ARHGAP20: variants seen among roughly 807,000 people sequenced by gnomAD.
ARHGAP20 encodes the protein rho GTPase-activating protein 20.
In ARHGAP20, 34 loss-of-function variants were observed where a neutral mutation model predicts 73.7. The ratio of observed to expected loss-of-function variants is 0.46; its 90% CI spans 0.35 to 0.61. The LOEUF (loss-of-function observed/expected upper bound fraction) is 0.61. Ranked by LOEUF, ARHGAP20 falls within the 20% of genes least tolerant of loss-of-function variation. ARHGAP20 has a pLI of 0.00. For missense variants in ARHGAP20, 1,314 were observed against 1,420.9 expected, an observed-to-expected ratio of 0.92 and a Z score of 1.21; for synonymous variants, 523 against 518.2, an observed-to-expected ratio of 1.01 and a Z score of -0.13.
chr11:110,647,677 G>A (rs1035732978), intron 2 of ARHGAP20, among the ~76,000 whole-genome samples: 1 of 152,064 alleles, frequency 6.6e-6, no homozygotes, highest in Non-Finnish European at 1.5e-5. Flanking sequence ...AAATAGAAAT[G>A]GAAACACACA....
chr11:110,590,842 A>G, intron 10 of ARHGAP20, 33 bp from the exon 11 acceptor site: 1 of 1,588,348 alleles, frequency 6.3e-7, no homozygotes, highest in Non-Finnish European at 8.6e-7. Context: ...AAACAAAATG[A>G]CACTTCCACA....
At chr11:110,615,431 G>A (rs1293553154) in intron 5 of ARHGAP20, 122 bp downstream of exon 5, 2 of 812,246 alleles carry the variant, frequency 2.5e-6, no homozygotes, top group Admixed American at 5.6e-5. Context: ...AGCTTATTTA[G>A]AGGTCAAATG....
intron 9 of ARHGAP20, 74 bp from the exon 10 acceptor site, chr11:110,592,229 G>T: frequency 7.1e-7 from 1 of 1,415,644 alleles, no homozygotes; most frequent in Admixed American, 1.9e-5. Flanking sequence ...TCCATTTTAT[G>T]GTATGTTTGT....
chr11:110,630,184 A>G (rs1365484121), intron 3 of ARHGAP20, among the ~76,000 whole-genome samples: 4 of 152,088 alleles, frequency 2.6e-5, no homozygotes, highest in Non-Finnish European at 4.4e-5. Flanking sequence ...CCAATATCTG[A>G]ATGGCTGATT....
chr11:110,712,403 G>A lies in ARHGAP20; in HGVS notation c.-172C>T. ...CCTCCCGTCGGGGCCATGTACCTCC[G>A]CCTGCGCTCGACACCGCGGGCTGGA... On this transcript the variant is annotated 5_prime_UTR_variant, in exon 1 of 15. Transcript: ENST00000683387. The A allele has an allele frequency of 2.8e-6, 1 of 361,672 alleles. No individual in the cohort carries two copies. Among genetic ancestry groups the A allele is most frequent in the East Asian group, 5.0e-5 (1 of 20,168 alleles). The allele number at this position is 361,672 out of a possible 1,614,324, so 22.4% of individuals were successfully genotyped here. A position where few individuals can be genotyped will look rare whatever the true frequency, so the allele number is the denominator to read the frequency against.
At chr11:110,596,318 T>C (rs1000607969) in intron 9 of ARHGAP20, among the ~76,000 whole-genome samples, 4 of 150,040 alleles carry the variant, frequency 2.7e-5, no homozygotes, top group African/African-American at 7.6e-5. Context: ...CTAAAGAGCT[T>C]CTGCACAGCA....
At chr11:110,702,674 C>T (rs759638754) in intron 1 of ARHGAP20, among the ~76,000 whole-genome samples, 2 of 152,140 alleles carry the variant, frequency 1.3e-5, no homozygotes, top group African/African-American at 2.4e-5. Context: ...AGCTGATAAG[C>T]AACTTCAGCA....
In ARHGAP20 at chr11:110,690,638, G is replaced by A; in HGVS notation, c.106-9C>T. 6.2e-7 allele frequency: 1 copy of A among 1,612,948 alleles called. No homozygotes were observed. Among genetic ancestry groups the A allele is most frequent in the Non-Finnish European group, 8.5e-7 (1 of 1,179,046 alleles). The stretch of plus-strand genomic sequence containing the variant: ...GCTAGTGTTTTCATTTTCTGTTGAT[G>A]AAACAAACCAAAATGAAGACCACAT... On this transcript the variant is annotated splice_polypyrimidine_tract_variant and intron_variant, in intron 1 of 14. Coordinates refer to ENST00000683387, the MANE Select transcript of ARHGAP20 (RefSeq NM_001384657.1).
intron 1 of ARHGAP20, among the ~76,000 whole-genome samples, chr11:110,695,436 T>C (rs1363879490): frequency 1.3e-5 from 2 of 151,652 alleles, no homozygotes; most frequent in African/African-American, 4.8e-5. Context: ...GCAAATCATA[T>C]ATCTGACAAG....
Position 110,577,091 on chromosome 11 carries a change from T to TAA in ARHGAP20, c.*2278_*2279insTT, listed in dbSNP as rs780212888. The TAA allele has an allele frequency of 2.6e-6, 4 of 1,526,712 alleles. No homozygotes were observed. In the South Asian group the frequency reaches 4.8e-5, roughly 18 times the overall value. 94.6% of individuals were successfully genotyped at this position (1,526,712 alleles called of 1,614,324 possible). A position where few individuals can be genotyped will look rare whatever the true frequency, so the allele number is the denominator to read the frequency against. On this transcript the variant is annotated 3_prime_UTR_variant, in exon 15 of 15. Coordinates refer to ENST00000683387, the MANE Select transcript of ARHGAP20 (RefSeq NM_001384657.1). ...ATTTTATTTAACAGACAGCATGGAC[T>TAA]TCATACATATCCATTATCAGTGCCT...
chr11:110,691,525 AT>A (rs1210192287), intron 1 of ARHGAP20, among the ~76,000 whole-genome samples: 1 of 152,122 alleles, frequency 6.6e-6, no homozygotes, highest in Non-Finnish European at 1.5e-5. Flanking sequence ...TGGGAACTGG[AT>A]GTTGCTCCAA....
intron 7 of ARHGAP20, 42 bp downstream of exon 7, chr11:110,611,267 A>T (rs753320594): frequency 1.8e-5 from 23 of 1,284,732 alleles, no homozygotes; most frequent in East Asian, 2.5e-5. Context: ...TTAAATAATC[A>T]AAGTTTATTT....
At position 110,673,102 on chromosome 11, in the gene ARHGAP20, G is replaced by A. The variant is rs186907089; in HGVS notation, c.188+17445C>T. Among the ~76,000 whole-genome samples, 332 of 152,180 alleles carry A rather than the reference G, an allele frequency of 2.2e-3. 1 individual carries two copies. Among genetic ancestry groups the A allele is most frequent in the Admixed American group, 5.2e-3 (79 of 15,276 alleles). On this transcript the variant is annotated intron_variant, in intron 2 of 14. Coordinates refer to ENST00000683387, the MANE Select transcript of ARHGAP20 (RefSeq NM_001384657.1). ...AAAAAAATCCTGCTGAGCCAAAAGGGACTAACACAAAAGAAATATATAAGA... is the reference window on the plus strand; with the variant it reads ...AAAAAAATCCTGCTGAGCCAAAAGGAACTAACACAAAAGAAATATATAAGA...
intron 1 of ARHGAP20, among the ~76,000 whole-genome samples, chr11:110,698,279 C>G (rs1341619916): frequency 2.0e-5 from 3 of 151,732 alleles, no homozygotes; most frequent in Non-Finnish European, 4.4e-5. Flanking sequence ...CACACTTGAT[C>G]ATGATAAACT....
At chr11:110,588,859 CAGG>C (rs1193488752) in intron 11 of ARHGAP20, among the ~76,000 whole-genome samples, 1 of 151,962 alleles carries the variant, frequency 6.6e-6, no homozygotes, top group Non-Finnish European at 1.5e-5. Flanking sequence ...ATCACGAGGT[CAGG>C]AGATCGAGAC....
chr11:110,611,416 T>A (rs758232923), intron 6 of ARHGAP20, 30 bp from the exon 7 acceptor site: 1 of 1,139,630 alleles, frequency 8.8e-7, no homozygotes, highest in East Asian at 2.8e-5. Flanking sequence ...AATATAGCTA[T>A]AAAATAATGA....
Position 110,577,255 on chromosome 11 carries a change from A to ATATATTATAGATTGATGGAGT in ARHGAP20, c.*2094_*2114dup. 2 of 1,457,342 alleles carry ATATATTATAGATTGATGGAGT rather than the reference A, an allele frequency of 1.4e-6. No homozygotes were observed. The highest frequency in any genetic ancestry group is 1.8e-6 in the Non-Finnish European group (2 of 1,102,178). 90.3% of individuals were successfully genotyped at this position (1,457,342 alleles called of 1,614,324 possible). A position where few individuals can be genotyped will look rare whatever the true frequency, so the allele number is the denominator to read the frequency against. On this transcript the variant is annotated 3_prime_UTR_variant, in exon 15 of 15. Transcript: ENST00000683387. ...GCATTTTAGATAAAGCATCAGTCTA[A>ATATATTATAGATTGATGGAGT]TATATTATAGATTGATGGAGTATAA...
At chr11:110,590,610 C>A in intron 11 of ARHGAP20, 38 bp downstream of exon 11, 1 of 1,573,426 alleles carries the variant, frequency 6.4e-7, no homozygotes, top group Non-Finnish European at 8.6e-7. Flanking sequence ...TTCTCTAGAG[C>A]TACACCATGG....
At chr11:110,629,551 T>A (rs1332267313) in intron 3 of ARHGAP20, among the ~76,000 whole-genome samples, 1 of 151,958 alleles carries the variant, frequency 6.6e-6, no homozygotes, top group Admixed American at 6.6e-5. Flanking sequence ...ATTCCTATAA[T>A]ACCATATCCT....
Sources: allele counts gnomAD v4.1 joint callset (sites outside exome capture counted in the v4.1 genomes callset), GRCh38; gene constraint gnomAD v4.1.1; transcripts MANE v1.5; gene names NCBI Gene and HGNC (gene_info 2026-07-23, HGNC 2026-07-21).